SLC26A4: variants seen among roughly 807,000 people sequenced by gnomAD.
SLC26A4 encodes the protein pendrin.
SLC26A4 carries 93 observed loss-of-function variants against 90.4 expected under a neutral mutation model. The observed-to-expected ratio is 1.03, with a 90% CI of 0.87 to 1.22. The LOEUF (loss-of-function observed/expected upper bound fraction) is 1.22. Among genes scored for constraint, SLC26A4 ranks in the 50% most tolerant of loss-of-function variants. The pLI is 0.00. For missense variants in SLC26A4, 1,127 were observed against 946.2 expected, an observed-to-expected ratio of 1.19 and a Z score of -2.51; for synonymous variants, 393 against 354.6, an observed-to-expected ratio of 1.11 and a Z score of -1.22.
intron 6 of SLC26A4, among the ~76,000 whole-genome samples, chr7:107,682,444 T>C (rs1791265960): frequency 6.6e-6 from 1 of 152,132 alleles, no homozygotes; most frequent in South Asian, 2.1e-4. Context: ...AACATGAAAT[T>C]GTTTTAATTT....
chr7:107,690,103 G>C lies in SLC26A4; in HGVS notation c.1150-21G>C, dbSNP rs1041037545. The C allele has an allele frequency of 2.2e-6, 3 of 1,343,062 alleles. No homozygotes were observed. In the African/African-American group the frequency reaches 4.3e-5, roughly 19 times the overall value. The allele number at this position is 1,343,062 out of a possible 1,614,324, so 83.2% of individuals were successfully genotyped here. A position where few individuals can be genotyped will look rare whatever the true frequency, so the allele number is the denominator to read the frequency against. The stretch of plus-strand genomic sequence containing the variant: ...CAAAGATTCAATTTGTAGGATCGTT[G>C]TCATCCAGTCTCTTCCTTAGGAATT... On this transcript the variant is annotated intron_variant, in intron 9 of 20. Transcript: ENST00000644269.
intron 18 of SLC26A4, among the ~76,000 whole-genome samples, chr7:107,709,754 T>C (rs1792129060): frequency 6.6e-6 from 1 of 152,172 alleles, no homozygotes. Context: ...TCATTTCAAA[T>C]CTGGGTCACA....
intron 4 of SLC26A4, among the ~76,000 whole-genome samples, chr7:107,672,645 C>T (rs1790905638): frequency 1.3e-5 from 2 of 152,016 alleles, no homozygotes; most frequent in South Asian, 4.1e-4. Context: ...TACCATTTTA[C>T]TGGATTAACT....
At position 107,716,900 on chromosome 7, in the gene SLC26A4, C is replaced by T. The variant is rs1792360268; in HGVS notation, c.*1454C>T. On this transcript the variant is annotated 3_prime_UTR_variant, in exon 21 of 21. Transcript: ENST00000644269. ...TCTCTGTTTTTCTTCTGAAATACAA[C>T]CAGAAACAATGTGTCTATTTCTGAA... The T allele has an allele frequency of 6.6e-6, 1 of 152,140 alleles. No homozygotes were observed. 9.4% of individuals were successfully genotyped at this position (152,140 alleles called of 1,614,324 possible).
chr7:107,707,122 G>A (rs1239372932), intron 18 of SLC26A4, among the ~76,000 whole-genome samples: 3 of 152,170 alleles, frequency 2.0e-5, no homozygotes, highest in African/African-American at 7.2e-5. Context: ...GGGTGACAGA[G>A]TGAGACCCTG....
intron 13 of SLC26A4, among the ~76,000 whole-genome samples, chr7:107,696,478 G>A (rs1584331854): frequency 6.6e-6 from 1 of 152,138 alleles, no homozygotes; most frequent in South Asian, 2.1e-4. Flanking sequence ...CCCCAGGCTT[G>A]GGACAAGACA....
chr7:107,708,002 T>C (rs972963903), intron 18 of SLC26A4, among the ~76,000 whole-genome samples: 53 of 152,210 alleles, frequency 3.5e-4, no homozygotes, highest in Non-Finnish European at 1.0e-4. Flanking sequence ...AAGAGTTATA[T>C]TGATGAAACA....
chr7:107,675,077 A>T lies in SLC26A4; in HGVS notation c.733A>T (p.Lys245Ter). 6.2e-7 allele frequency: 1 copy of T among 1,613,866 alleles called. No individual in the cohort carries two copies. Among genetic ancestry groups the T allele is most frequent in the Non-Finnish European group, 8.5e-7 (1 of 1,179,842 alleles). Reference sequence around the variant, plus strand: ...AAAGATTGTCCTCAATGTTTCAACCAAAAACTACAATGGAGTTCTCTCTAT... The same window carrying T: ...AAAGATTGTCCTCAATGTTTCAACCTAAAACTACAATGGAGTTCTCTCTAT... ...QLKIVLNVST[K>*]NYNGVLSIIY... Residue 245 changes from lysine to a stop codon, truncating the protein, a stop_gained, in exon 6 of 21, where the codon AAA (lysine) becomes TAA (stop). Transcript: ENST00000644269. LOFTEE classifies it high-confidence loss of function.
At position 107,661,733 on chromosome 7, in the gene SLC26A4, C is replaced by G; in HGVS notation, c.92C>G (p.Ala31Gly). 6.4e-7 allele frequency: 1 copy of G among 1,555,402 alleles called. No homozygotes were observed. Among genetic ancestry groups the G allele is most frequent in the South Asian group, 1.2e-5 (1 of 84,888 alleles). ...MVSRPVYSEL[A>G]FQQQHERRLQ... ...TCGCGGCCGGTCTACAGCGAGCTCG[C>G]TTTCCAGCAACAGCACGAGCGGCGC... Residue 31 changes from alanine to glycine, a missense_variant, in exon 2 of 21, where the codon GCT (alanine) becomes GGT (glycine). Transcript: ENST00000644269. This position sits in a 1 kb window ranked among gnomAD's most constrained non-coding sequence, Gnocchi z 5.1.
chr7:107,693,205 G>A, intron 10 of SLC26A4: 1 of 664,196 alleles, frequency 1.5e-6, no homozygotes, highest in African/African-American at 2.0e-5. Flanking sequence ...TAGGATATCA[G>A]CTTCTCTGCT....
chr7:107,661,781 G>C lies in SLC26A4; in HGVS notation c.140G>C (p.Arg47Pro). 6.5e-7 allele frequency: 1 copy of C among 1,539,722 alleles called. No homozygotes were observed. Among genetic ancestry groups the C allele is most frequent in the South Asian group, 1.2e-5 (1 of 84,054 alleles). ...ERRLQERKTL[R>P]ESLAKCCSCS... ...CGCCTGCAGGAGCGCAAGACGCTGC[G>C]GGAGAGCCTGGCCAAGTGCTGCAGG... The change falls in exon 2 of 21, where the codon CGG becomes CCG. Residue 47 changes from arginine (R) to proline (P), a missense_variant. Physicochemically the swap from Arg to Pro is moderately radical, Grantham distance 103. Coordinates refer to ENST00000644269, the MANE Select transcript of SLC26A4 (RefSeq NM_000441.2). This position sits in a 1 kb window ranked among gnomAD's most constrained non-coding sequence, Gnocchi z 5.1.
At chr7:107,681,113 T>A (rs1014843209) in intron 6 of SLC26A4, among the ~76,000 whole-genome samples, 8 of 152,182 alleles carry the variant, frequency 5.3e-5, no homozygotes, top group Non-Finnish European at 8.8e-5. Context: ...GGCATCATCT[T>A]GTTTCTGTCA....
intron 4 of SLC26A4, among the ~76,000 whole-genome samples, 162 bp from the exon 5 acceptor site, chr7:107,674,002 G>A (rs1400039041): frequency 7.2e-5 from 11 of 152,176 alleles, no homozygotes; most frequent in African/African-American, 2.7e-4. Context: ...AAGTGCTGCG[G>A]TTACAGATGT....
At chr7:107,665,586 T>G (rs960213666) in intron 3 of SLC26A4, among the ~76,000 whole-genome samples, 9 of 152,180 alleles carry the variant, frequency 5.9e-5, no homozygotes, top group Non-Finnish European at 8.8e-5. Context: ...TGAATTGCAT[T>G]CCTGATAATG....
chr7:107,669,820 T>C (rs1790816451), intron 3 of SLC26A4, among the ~76,000 whole-genome samples: 1 of 152,220 alleles, frequency 6.6e-6, no homozygotes, highest in Admixed American at 6.5e-5. Flanking sequence ...AGATAACCCA[T>C]TGATATTTCA....
intron 3 of SLC26A4, among the ~76,000 whole-genome samples, chr7:107,667,191 G>A (rs1339521932): frequency 1.3e-5 from 2 of 152,102 alleles, no homozygotes; most frequent in Non-Finnish European, 2.9e-5. Flanking sequence ...AGAGAAGTGG[G>A]AGCTACTGCA....
chr7:107,693,403 T>C (rs543598454), intron 10 of SLC26A4: 210 of 985,352 alleles, frequency 2.1e-4, no homozygotes, highest in Non-Finnish European at 2.3e-4. Flanking sequence ...AAGTGCTTTC[T>C]AATTTTCTGT....
intron 18 of SLC26A4, among the ~76,000 whole-genome samples, chr7:107,705,674 A>G (rs1792020201): frequency 6.6e-6 from 1 of 152,222 alleles, no homozygotes; most frequent in South Asian, 2.1e-4. Context: ...AAGTTACCCA[A>G]AGAAGCTACT....
At chr7:107,662,437 T>C (rs1187324527) in intron 2 of SLC26A4, among the ~76,000 whole-genome samples, 4 of 152,178 alleles carry the variant, frequency 2.6e-5, no homozygotes, top group Non-Finnish European at 4.4e-5. Flanking sequence ...GTAGACGTAG[T>C]AGTATAATGA....
Sources: gnomAD v4.1 joint callset for allele counts (sites outside exome capture counted in the v4.1 genomes callset) on GRCh38, gnomAD v4.1.1 for gene constraint, Gnocchi (gnomAD v3.1) non-coding constraint, MANE v1.5 for transcripts, NCBI Gene and HGNC (gene_info 2026-07-23, HGNC 2026-07-21) for gene names.